Variants in SEMA3A observed in about 807,000 individuals in gnomAD.
SEMA3A encodes semaphorin-3A.
SEMA3A carries 29 observed loss-of-function variants against 97.9 expected under a neutral mutation model. The observed-to-expected ratio is 0.30, with a 90% CI of 0.22 to 0.40. SEMA3A has a LOEUF of 0.40. SEMA3A is among the 10% of genes least tolerant of loss of function. SEMA3A has a pLI of 1.00. For synonymous variants in SEMA3A, 321 were observed against 323.7 expected (o/e 0.99, Z 0.09); for missense variants, 763 against 951.3 (o/e 0.80, Z 2.60).
intron 1 of SEMA3A, among the ~76,000 whole-genome samples, chr7:84,431,808 C>A (rs1343150106): frequency 6.6e-6 from 1 of 151,786 alleles, no homozygotes; most frequent in East Asian, 1.9e-4. Context: ...CTTAAGGGTA[C>A]CCTGCCTTCA....
rs567410597 is a variant in SEMA3A, at chr7:84,120,529, T to C, written c.333+8594A>G. On this transcript the variant is annotated intron_variant, in intron 3 of 16. Coordinates refer to ENST00000265362, the MANE Select transcript of SEMA3A (RefSeq NM_006080.3). The stretch of plus-strand genomic sequence containing the variant: ...ATTATTCAGTTCAGTGTACCAGATA[T>C]TTACCCACAAACAGATACAGACATA... Among the ~76,000 whole-genome samples the C allele has an allele frequency of 2.0e-3, 310 of 152,230 alleles. 2 individuals are homozygous for C. The highest frequency in any genetic ancestry group is 7.0e-3 in the African/African-American group (290 of 41,546).
chr7:84,070,574 G>C (rs1171226607), intron 4 of SEMA3A, among the ~76,000 whole-genome samples: 1 of 152,086 alleles, frequency 6.6e-6, no homozygotes, highest in Non-Finnish European at 1.5e-5. Flanking sequence ...GAATATTTTA[G>C]GTGGGAAATT....
intron 4 of SEMA3A, among the ~76,000 whole-genome samples, chr7:84,094,564 T>C (rs1278361711): frequency 6.6e-6 from 1 of 152,136 alleles, no homozygotes; most frequent in Admixed American, 6.6e-5. Flanking sequence ...GTGCATGTCA[T>C]CTGCTAGATA....
Position 84,274,215 on chromosome 7 carries a change from A to G in SEMA3A, c.-83+32992T>C, listed in dbSNP as rs1272758851. Among the ~76,000 whole-genome samples the G allele has an allele frequency of 7.9e-5, 12 of 151,862 alleles. No individual in the cohort carries two copies. In the Admixed American group the frequency reaches 8.0e-4, roughly 10 times the overall value. Reference sequence around the variant, plus strand: ...CAGGTGAACCGAAAGTGCATGATCCACTTTGTGGTTTGCAAAGGGGCCTCT... The same window carrying G: ...CAGGTGAACCGAAAGTGCATGATCCGCTTTGTGGTTTGCAAAGGGGCCTCT... On this transcript the variant is annotated intron_variant, in intron 3 of 3. Transcript: ENST00000424555.
chr7:84,110,432 G>C lies in SEMA3A; in HGVS notation c.453+38C>G, dbSNP rs758300440. 2.5e-6 allele frequency: 4 copies of C among 1,610,230 alleles called. No individual in the cohort carries two copies. The South Asian group carries it at 3.3e-5, about 13-fold the overall frequency. On this transcript the variant is annotated intron_variant, in intron 4 of 16. Coordinates refer to ENST00000265362, the MANE Select transcript of SEMA3A (RefSeq NM_006080.3). ...AATGAAGCATTTTGAATAGAAAGGGGTCATGGACAAATATAATTTTTAAAA... is the reference window on the plus strand; with the variant it reads ...AATGAAGCATTTTGAATAGAAAGGGCTCATGGACAAATATAATTTTTAAAA...
intron 2 of SEMA3A, among the ~76,000 whole-genome samples, chr7:84,365,809 A>G (rs1802835195): frequency 6.6e-6 from 1 of 151,450 alleles, no homozygotes; most frequent in Non-Finnish European, 1.5e-5. Context: ...AACTGCATGA[A>G]TATCACAAGA....
At chr7:84,097,631 A>G (rs1330199880) in intron 4 of SEMA3A, among the ~76,000 whole-genome samples, 1 of 152,108 alleles carries the variant, frequency 6.6e-6, no homozygotes, top group East Asian at 1.9e-4. Context: ...ATAAAATAAA[A>G]ATGGAAAGTA....
chr7:84,470,215 C>T (rs1431868036), intron 1 of SEMA3A, among the ~76,000 whole-genome samples: 1 of 151,962 alleles, frequency 6.6e-6, no homozygotes, highest in African/African-American at 2.4e-5. Flanking sequence ...TTTGTAAACC[C>T]TCTTTTGTTT....
At position 84,241,390 on chromosome 7, in the gene SEMA3A, G is replaced by A. The variant is rs192330289; in HGVS notation, c.-82-46722C>T. Reference sequence around the variant, plus strand: ...GCTTTTTTTCATATGTTTATTGACCGCATAAATGTCTTCTTTTGAGAAGTG... The same window carrying A: ...GCTTTTTTTCATATGTTTATTGACCACATAAATGTCTTCTTTTGAGAAGTG... On this transcript the variant is annotated intron_variant, in intron 3 of 3. Coordinates refer to the SEMA3A transcript ENST00000424555. Among the ~76,000 whole-genome samples, 346 of 152,108 alleles carry A rather than the reference G, an allele frequency of 2.3e-3. 4 individuals carry two copies. Among genetic ancestry groups the A allele is most frequent in the Admixed American group, 0.021 (323 of 15,266 alleles).
chr7:84,046,402 G>A lies in SEMA3A; in HGVS notation c.589C>T (p.Arg197Ter). The change falls in exon 6 of 17, where the codon CGA becomes TGA. Residue 197 changes from arginine (R) to a stop codon, truncating the protein, a stop_gained. Coordinates refer to ENST00000265362, the MANE Select transcript of SEMA3A (RefSeq NM_006080.3). LOFTEE classifies it high-confidence loss of function. ...AGAGTTCGGAAGATAGCAAAGTCTC[G>A]CCCCATAAAATCAGCTGCAGTTCCA... ...YSGTAADFMGRDFAIFRTLGH... is the reference protein window; with the variant it reads ...YSGTAADFMG 2 of 1,612,994 alleles carry A rather than the reference G, an allele frequency of 1.2e-6. No homozygotes were observed. Among genetic ancestry groups the A allele is most frequent in the Non-Finnish European group, 8.5e-7 (1 of 1,179,288 alleles).
At chr7:83,988,969 T>A (rs1721983) in intron 12 of SEMA3A, among the ~76,000 whole-genome samples, 109,771 of 150,626 alleles carry the variant, frequency 0.73, 40,156 homozygotes, top group East Asian at 0.89. Flanking sequence ...TCAGCTTTTT[T>A]AAAAAAAGTT....
intron 1 of SEMA3A, among the ~76,000 whole-genome samples, chr7:84,449,707 A>T (rs1325039822): frequency 6.6e-6 from 1 of 152,150 alleles, no homozygotes; most frequent in African/African-American, 2.4e-5. Flanking sequence ...TACCCTGTAG[A>T]AACTTTTTCA....
At chr7:84,464,736 T>C (rs1805946882) in intron 1 of SEMA3A, among the ~76,000 whole-genome samples, 1 of 152,136 alleles carries the variant, frequency 6.6e-6, no homozygotes, top group South Asian at 2.1e-4. Flanking sequence ...AGAACAGATA[T>C]CAAAGACGGG....
At chr7:84,220,273 T>A (rs1349065295) in intron 3 of SEMA3A, among the ~76,000 whole-genome samples, 1 of 152,188 alleles carries the variant, frequency 6.6e-6, no homozygotes, top group Non-Finnish European at 1.5e-5. Flanking sequence ...ATCTTTAGGC[T>A]ACATTTTTAA....
chr7:84,170,211 T>C (rs1004169128), intron 1 of SEMA3A, among the ~76,000 whole-genome samples: 10 of 152,146 alleles, frequency 6.6e-5, no homozygotes, highest in Admixed American at 3.9e-4. Flanking sequence ...CTTGTAACGA[T>C]AAAAGATTTT....
chr7:84,187,520 T>A (rs1797922901), intron 1 of SEMA3A, among the ~76,000 whole-genome samples: 1 of 152,236 alleles, frequency 6.6e-6, no homozygotes, highest in East Asian at 1.9e-4. Context: ...GGATATTTTC[T>A]GATTCAGTTC....
At chr7:84,055,428 CG>C (rs1792923189) in intron 5 of SEMA3A, among the ~76,000 whole-genome samples, 1 of 152,176 alleles carries the variant, frequency 6.6e-6, no homozygotes, top group Admixed American at 6.5e-5. Flanking sequence ...TTAAGCCCGT[CG>C]GAAAAGGGCA....
At chr7:84,241,004 G>A (rs867545130) in intron 3 of SEMA3A, among the ~76,000 whole-genome samples, 13 of 152,210 alleles carry the variant, frequency 8.5e-5, no homozygotes, top group South Asian at 2.1e-4. Flanking sequence ...CCAGTCTATC[G>A]TTGAAGGGTG....
At chr7:84,023,967 G>A (rs1221836332) in intron 6 of SEMA3A, among the ~76,000 whole-genome samples, 2 of 148,762 alleles carry the variant, frequency 1.3e-5, no homozygotes, top group African/African-American at 2.5e-5. Flanking sequence ...AACGGAGATC[G>A]CGCCACTGCA....
Sources: allele counts gnomAD v4.1 joint callset (sites outside exome capture counted in the v4.1 genomes callset), GRCh38; gene constraint gnomAD v4.1.1; transcripts MANE v1.5; gene names NCBI Gene and HGNC (gene_info 2026-07-23, HGNC 2026-07-21).